STK33: variants seen among roughly 807,000 people sequenced by gnomAD.
The protein encoded by STK33 is serine/threonine kinase 33.
In STK33, 52 loss-of-function variants were observed where a neutral mutation model predicts 58.0. That is an observed-to-expected ratio of 0.90 (90% CI 0.72 to 1.13). STK33 has a LOEUF of 1.13. Among genes scored for constraint, STK33 ranks in the 50% most tolerant of loss-of-function variants. STK33 has a pLI of 0.00. For missense variants in STK33, 630 were observed against 604.2 expected, an observed-to-expected ratio of 1.04 and a Z score of -0.45; for synonymous variants, 215 against 200.1, an observed-to-expected ratio of 1.07 and a Z score of -0.63.
At chr11:8,490,435 C>T (rs949910314) in intron 1 of STK33, among the ~76,000 whole-genome samples, 8 of 144,218 alleles carry the variant, frequency 5.5e-5, no homozygotes, top group African/African-American at 1.3e-4. Flanking sequence ...CTGGGCAGAG[C>T]GCACCACAGC....
At chr11:8,449,830 T>C (rs1339460419) in intron 11 of STK33, among the ~76,000 whole-genome samples, 2 of 152,086 alleles carry the variant, frequency 1.3e-5, no homozygotes, top group African/African-American at 2.4e-5. Context: ...TTTAGAGAAA[T>C]GCAAATCATA....
chr11:8,527,974 G>A (rs1037378570), intron 1 of STK33, among the ~76,000 whole-genome samples: 2 of 152,178 alleles, frequency 1.3e-5, no homozygotes, highest in African/African-American at 4.8e-5. Flanking sequence ...CCTTCTAGTT[G>A]TAATGTGTTT....
the STK33 span, among the ~76,000 whole-genome samples, chr11:8,363,379 A>G: frequency 1.3e-5 from 2 of 152,190 alleles, no homozygotes; most frequent in East Asian, 3.8e-4. Context: ...AAATTTACAT[A>G]TGCCTGAAAC....
At chr11:8,569,881 C>T (rs1229396670) in intron 1 of STK33, among the ~76,000 whole-genome samples, 1 of 151,934 alleles carries the variant, frequency 6.6e-6, no homozygotes, top group Non-Finnish European at 1.5e-5. Context: ...CACTTGAGCC[C>T]AAGGCTACAG....
chr11:8,435,482 A>T lies in STK33; in HGVS notation c.1146+12T>A. On this transcript the variant is annotated intron_variant, in intron 14 of 15. Coordinates refer to ENST00000687296, the MANE Select transcript of STK33 (RefSeq NM_001352389.2). ...AGCATGTCAGAAAGAAAAAAGTAAT[A>T]TTGTAACTTACTGTTAACCACTGGT... 2.2e-6 allele frequency: 3 copies of T among 1,370,836 alleles called. No individual in the cohort carries two copies. Among genetic ancestry groups the T allele is most frequent in the Non-Finnish European group, 2.9e-6 (3 of 1,032,914 alleles). 84.9% of individuals were successfully genotyped at this position (1,370,836 alleles called of 1,614,324 possible).
the STK33 span, among the ~76,000 whole-genome samples, chr11:8,341,109 G>A: frequency 4.8e-5 from 2 of 41,568 alleles, no homozygotes; most frequent in Admixed American, 2.6e-4. Context: ...CTGCCTGCCC[G>A]GGCCTCCAAA....
intron 1 of STK33, among the ~76,000 whole-genome samples, chr11:8,583,955 A>G (rs2030955139): frequency 6.6e-6 from 1 of 152,190 alleles, no homozygotes; most frequent in Non-Finnish European, 1.5e-5. Context: ...TATAACGAAT[A>G]CAGCTATTAC....
At position 8,427,469 on chromosome 11, in the gene STK33, A is replaced by G. The variant is rs80307731; in HGVS notation, c.1146+8025T>C. ...TTTCTTCTCTCTTATTGGGTAGTCT[A>G]TCATCTCTTTAAAGCTAAGGTCTTT... On this transcript the variant is annotated intron_variant, in intron 14 of 15. Transcript: ENST00000687296. 6.3e-3 allele frequency among the ~76,000 whole-genome samples: 963 copies of G among 152,134 alleles called. 67 individuals carry two copies. In the East Asian group the frequency reaches 0.16, roughly 25 times the overall value.
chr11:8,465,510 A>G (rs938331273), intron 6 of STK33: 7 of 152,226 alleles, frequency 4.6e-5, no homozygotes, highest in Non-Finnish European at 1.0e-4. Flanking sequence ...TTTGGTTTGC[A>G]TTGTAAATAA....
chr11:8,396,189 C>T (rs757050649), intron 15 of STK33, among the ~76,000 whole-genome samples: 3 of 152,116 alleles, frequency 2.0e-5, no homozygotes, highest in Non-Finnish European at 2.9e-5. Flanking sequence ...CTGCAACCTC[C>T]GCCTCCCGGG....
At chr11:8,444,106 C>A (rs1945101939) in intron 11 of STK33, among the ~76,000 whole-genome samples, 1 of 152,050 alleles carries the variant, frequency 6.6e-6, no homozygotes, top group Non-Finnish European at 1.5e-5. Context: ...AACCAAATAA[C>A]AATTAGATAT....
chr11:8,378,583 C>T, the STK33 span, among the ~76,000 whole-genome samples: 2 of 152,280 alleles, frequency 1.3e-5, no homozygotes, highest in East Asian at 1.9e-4. Flanking sequence ...CTCACCATCA[C>T]GAGAACAGCA....
At chr11:8,444,342 CT>C (rs1326770865) in intron 11 of STK33, among the ~76,000 whole-genome samples, 1 of 151,820 alleles carries the variant, frequency 6.6e-6, no homozygotes, top group East Asian at 1.9e-4. Flanking sequence ...ATCACCCTTC[CT>C]TTTTTTTGTA....
intron 15 of STK33, among the ~76,000 whole-genome samples, chr11:8,399,245 AAAAG>A (rs760473586): frequency 3.7e-4 from 57 of 152,354 alleles, no homozygotes; most frequent in Non-Finnish European, 7.2e-4. Context: ...AATGTAAAAG[AAAAG>A]AAATTATAAC....
chr11:8,377,719 G>A, the STK33 span, among the ~76,000 whole-genome samples: 1 of 152,072 alleles, frequency 6.6e-6, no homozygotes, highest in South Asian at 2.1e-4. Context: ...AAACCCTGAA[G>A]ACTCCTCCAA....
intron 1 of STK33, among the ~76,000 whole-genome samples, chr11:8,564,378 G>A (rs1024556947): frequency 8.5e-5 from 13 of 152,146 alleles, no homozygotes; most frequent in African/African-American, 2.2e-4. Flanking sequence ...CTGGCCTTAC[G>A]CAATTCTGCT....
At chr11:8,548,524 T>C (rs1367812317) in intron 1 of STK33, among the ~76,000 whole-genome samples, 1 of 152,222 alleles carries the variant, frequency 6.6e-6, no homozygotes, top group African/African-American at 2.4e-5. Context: ...TGTAATATAT[T>C]TTGAAGTCAA....
In STK33 at chr11:8,478,271, A is replaced by C. The variant is rs577938601; in HGVS notation, c.-260-988T>G. On this transcript the variant is annotated intron_variant, in intron 2 of 15. Transcript: ENST00000687296. ...AGCTCTTTTTCTATAGAATCATGGA[A>C]TTATGTTTAAACAGGACTTTAGATA... 2.0e-3 allele frequency among the ~76,000 whole-genome samples: 304 copies of C among 152,308 alleles called. 1 individual carries two copies. The highest frequency in any genetic ancestry group is 7.2e-3 in the African/African-American group (298 of 41,584).
intron 15 of STK33, among the ~76,000 whole-genome samples, chr11:8,409,320 C>T (rs1181556856): frequency 6.6e-6 from 1 of 152,214 alleles, no homozygotes; most frequent in Non-Finnish European, 1.5e-5. Context: ...TTTCTGCAGG[C>T]ATGCTCTTCT....
Sources: gnomAD v4.1 joint callset for allele counts (sites outside exome capture counted in the v4.1 genomes callset) on GRCh38, gnomAD v4.1.1 for gene constraint, MANE v1.5 for transcripts, NCBI Gene and HGNC (gene_info 2026-07-23, HGNC 2026-07-21) for gene names.